PES1: variants seen among roughly 807,000 people sequenced by gnomAD.
PES1 encodes pescadillo ribosomal biogenesis factor 1, also known as pescadillo homolog.
In PES1, 31 loss-of-function variants were observed where a neutral mutation model predicts 77.1. That is an observed-to-expected ratio of 0.40 (90% CI 0.30 to 0.54). PES1 has a LOEUF of 0.54. Ranked by LOEUF, PES1 falls within the 20% of genes least tolerant of loss-of-function variation. PES1 has a pLI of 0.45. For synonymous variants in PES1, 282 were observed against 303.0 expected (o/e 0.93, Z 0.72); for missense variants, 658 against 771.7 (o/e 0.85, Z 1.75).
rs944723115 is a variant in PES1, at chr22:30,581,110, G to A, written c.823-9C>T. ...CTGAGGGCTGCCAGTTTCTACAGGA[G>A]AGAAGGGGGCTGCTTGCAGTGGGGG... is the stretch of plus-strand genomic sequence containing the variant. On this transcript the variant is annotated splice_polypyrimidine_tract_variant and intron_variant, in intron 8 of 14. Coordinates refer to ENST00000354694, the MANE Select transcript of PES1 (RefSeq NM_014303.4). 22 of 1,600,472 alleles carry A rather than the reference G, an allele frequency of 1.4e-5. No homozygotes were observed. The highest frequency in any genetic ancestry group is 1.7e-5 in the Admixed American group (1 of 58,490).
Position 30,576,880 on chromosome 22 carries a change from G to A in PES1, c.*166C>T, listed in dbSNP as rs1020860301. 1.6e-6 allele frequency: 1 copy of A among 632,860 alleles called. No homozygotes were observed. The highest frequency in any genetic ancestry group is 2.7e-5 in the Admixed American group (1 of 37,116). The allele number at this position is 632,860 out of a possible 1,614,324, so 39.2% of individuals were successfully genotyped here. A position where few individuals can be genotyped will look rare whatever the true frequency, so the allele number is the denominator to read the frequency against. ...AGCAGGGCAGCTCCATCCAAGGGAA[G>A]CGAGGGCTGCCCACTGGCCCAGCCA... On this transcript the variant is annotated 3_prime_UTR_variant, in exon 15 of 15. Coordinates refer to ENST00000354694, the MANE Select transcript of PES1 (RefSeq NM_014303.4).
At chr22:30,593,482 A>C (rs536557635), upstream of PES1, among the ~76,000 whole-genome samples, 1 of 151,574 alleles carries the variant, frequency 6.6e-6, no homozygotes, top group African/African-American at 2.4e-5. Flanking sequence ...CGACAGAGCG[A>C]GGCTCCATCT....
chr22:30,597,869 C>T (rs562150008), intron 2 of PES1, among the ~76,000 whole-genome samples: 6 of 147,784 alleles, frequency 4.1e-5, no homozygotes, highest in South Asian at 2.1e-4. Context: ...TTTTTCCACG[C>T]AGTTGAAGTT....
intron 1 of PES1, among the ~76,000 whole-genome samples, chr22:30,591,313 CT>C (rs1157222052): frequency 6.6e-6 from 1 of 152,204 alleles, no homozygotes; most frequent in African/African-American, 2.4e-5. Context: ...CAAGCCTTCC[CT>C]GCCTACTGAT....
chr22:30,589,277 G>T lies in PES1; in HGVS notation c.25-7C>A, dbSNP rs2087141821. On this transcript the variant is annotated splice_polypyrimidine_tract_variant and splice_region_variant and intron_variant, in intron 1 of 14. Coordinates refer to ENST00000354694, the MANE Select transcript of PES1 (RefSeq NM_014303.4). ...TGGCCGAGCCTCGTTCATACTGGGA[G>T]AGGAAAAAAACAATTCTCCATTAGC... The T allele has an allele frequency of 6.2e-7, 1 of 1,610,654 alleles. No individual in the cohort carries two copies. The highest frequency in any genetic ancestry group is 8.5e-7 in the Non-Finnish European group (1 of 1,178,046).
chr22:30,590,410 G>C (rs1335209716), intron 1 of PES1, among the ~76,000 whole-genome samples: 7 of 152,144 alleles, frequency 4.6e-5, no homozygotes, highest in Non-Finnish European at 7.3e-5. Context: ...GTCTCCCACA[G>C]GTACGTTTAC....
At chr22:30,577,184 G>T in intron 14 of PES1, 55 bp from the exon 15 acceptor site, 1 of 1,429,562 alleles carries the variant, frequency 7.0e-7, no homozygotes, top group Non-Finnish European at 9.9e-7. Context: ...GGAGGGTGGG[G>T]GGCACAGAAC....
intron 2 of PES1, among the ~76,000 whole-genome samples, chr22:30,601,173 G>T (rs528298475): frequency 6.6e-6 from 1 of 152,290 alleles, no homozygotes; most frequent in Middle Eastern, 3.4e-3. Flanking sequence ...AAAGGGAGGG[G>T]AATTAGACTC....
upstream of PES1, among the ~76,000 whole-genome samples, chr22:30,593,480 C>A (rs931163697): frequency 2.0e-5 from 3 of 150,820 alleles, no homozygotes; most frequent in Non-Finnish European, 4.4e-5. Flanking sequence ...GACGACAGAG[C>A]GAGGCTCCAT....
chr22:30,596,271 A>G (rs2087250789), upstream of PES1, among the ~76,000 whole-genome samples: 1 of 152,144 alleles, frequency 6.6e-6, no homozygotes, highest in Non-Finnish European at 1.5e-5. Flanking sequence ...TTTTTTCTAT[A>G]TAGTTCAGCC....
chr22:30,597,843 G>C (rs980605763), intron 2 of PES1, among the ~76,000 whole-genome samples: 3 of 151,464 alleles, frequency 2.0e-5, no homozygotes, highest in Non-Finnish European at 4.4e-5. Flanking sequence ...CTCAGCTGTG[G>C]TAACTCGCTC....
chr22:30,604,626 C>T (rs1291737705), intron 2 of PES1, among the ~76,000 whole-genome samples: 2 of 20,252 alleles, frequency 9.9e-5, no homozygotes, highest in African/African-American at 1.3e-3. Flanking sequence ...GAGACCCTGT[C>T]TCAAAAAAAA....
intron 4 of PES1, 86 bp from the exon 5 acceptor site, chr22:30,584,803 C>T: frequency 7.1e-7 from 1 of 1,404,286 alleles, no homozygotes; most frequent in South Asian, 1.3e-5. Context: ...CCCCAGATGC[C>T]CCGTTCCTCA....
At chr22:30,579,062 C>T in intron 13 of PES1, 64 bp from the exon 14 acceptor site, 1 of 1,603,394 alleles carries the variant, frequency 6.2e-7, no homozygotes, top group South Asian at 1.1e-5. Flanking sequence ...CCTCTGGCTC[C>T]TGACCTTCTA....
chr22:30,580,865 A>T, intron 9 of PES1, 147 bp downstream of exon 9: 1 of 1,175,284 alleles, frequency 8.5e-7, no homozygotes, highest in Non-Finnish European at 1.2e-6. Context: ...TCCTATGTAA[A>T]CTCTGATGAC....
In PES1 at chr22:30,577,035, G is replaced by A; in HGVS notation, c.*11C>T. The A allele has an allele frequency of 6.2e-7, 1 of 1,611,084 alleles. No individual in the cohort carries two copies. Among genetic ancestry groups the A allele is most frequent in the South Asian group, 1.1e-5 (1 of 91,056 alleles). ...GGGGCTGGCCTCAGCCCTGTGAGGG[G>A]CCGCAGGCACTCACTCCGGCCTTGC... On this transcript the variant is annotated 3_prime_UTR_variant, in exon 15 of 15. Transcript: ENST00000354694.
At chr22:30,585,243 G>A (rs2087062229) in intron 4 of PES1, 1 of 471,236 alleles carries the variant, frequency 2.1e-6, no homozygotes, top group Non-Finnish European at 4.4e-6. Flanking sequence ...GACATGTCTA[G>A]TTGGCAGAAC....
intron 2 of PES1, among the ~76,000 whole-genome samples, chr22:30,597,905 T>C (rs560800017): frequency 0.012 from 1,459 of 120,184 alleles, 19 homozygotes; most frequent in Non-Finnish European, 0.019. Context: ...TTGTTTTGAG[T>C]CGGAGTCTCA....
upstream of PES1, among the ~76,000 whole-genome samples, chr22:30,595,367 G>A (rs1055558414): frequency 2.0e-5 from 3 of 151,614 alleles, no homozygotes; most frequent in Non-Finnish European, 2.9e-5. Context: ...GTGAAACCTC[G>A]TCTCTACTAA....
Sources: allele counts gnomAD v4.1 joint callset (sites outside exome capture counted in the v4.1 genomes callset), GRCh38; gene constraint gnomAD v4.1.1; transcripts MANE v1.5; gene names NCBI Gene and HGNC (gene_info 2026-07-23, HGNC 2026-07-21).